The following RHNO1 variants were observed in gnomAD, a reference collection of about 807,000 sequenced individuals.
RHNO1 encodes RAD9-HUS1-RAD1 interacting nuclear orphan 1.
RHNO1 carries 9 observed loss-of-function variants against 7.2 expected under a neutral mutation model. The observed-to-expected ratio is 1.25, with a 90% confidence interval of 0.75 to 2.18. The LOEUF (loss-of-function observed/expected upper bound fraction) is 2.18, where lower values mean the gene tolerates loss of function less well. RHNO1 is among the 30% of genes most tolerant of loss of function. The probability of loss-of-function intolerance (pLI) is 0.00; values close to 1 mark genes in which losing one functional copy is unlikely to be tolerated. For missense variants in RHNO1, 292 were observed against 284.5 expected, an observed-to-expected ratio of 1.03 and a Z score of -0.19; for synonymous variants, 95 against 107.5, an observed-to-expected ratio of 0.88 and a Z score of 0.72.
At chr12:2,880,008 G>A (rs1195419949) in intron 1 of RHNO1, among the ~76,000 whole-genome samples, 1 of 152,080 alleles carries the variant, frequency 6.6e-6, no homozygotes, top group Non-Finnish European at 1.5e-5. Context: ...AAGAGAAAAG[G>A]GGTGTTCTGA....
intron 1 of RHNO1, among the ~76,000 whole-genome samples, chr12:2,884,009 ATTC>A (rs1192909324): frequency 6.6e-6 from 1 of 151,984 alleles, no homozygotes; most frequent in Non-Finnish European, 1.5e-5. Flanking sequence ...GTGGGATCAA[ATTC>A]TTCTGCTTAA....
intron 1 of RHNO1, among the ~76,000 whole-genome samples, chr12:2,883,073 A>AAAAAAAAAAACAAC (rs1461301048): frequency 1.2e-4 from 17 of 142,168 alleles, no homozygotes; most frequent in African/African-American, 4.3e-4. Flanking sequence ...TCTCAAAAAA[A>AAAAAAAAAAACAAC]AAAAAAAAAA....
In RHNO1 at chr12:2,884,262, C is replaced by T. The variant is rs1489628608; in HGVS notation, c.-84-1021C>T. On this transcript the variant is annotated intron_variant, in intron 1 of 2. Coordinates refer to ENST00000489288, the MANE Select transcript of RHNO1 (RefSeq NM_001252499.3). ...TTTGTTTGTTTGTTTGAGACAGAGT[C>T]TAGCTCTGCTGCCCAGGCTGGAGTG... 2.6e-5 allele frequency among the ~76,000 whole-genome samples: 4 copies of T among 152,254 alleles called. No homozygotes were observed. The East Asian group carries it at 7.7e-4, about 29-fold the overall frequency.
chr12:2,878,988 A>ATTTATT (rs2098153585), intron 1 of RHNO1, among the ~76,000 whole-genome samples: 2 of 150,830 alleles, frequency 1.3e-5, no homozygotes, highest in African/African-American at 4.9e-5. Flanking sequence ...TTAATTATAT[A>ATTTATT]TTTATTTTTA....
chr12:2,882,912 A>G (rs1481268390), intron 1 of RHNO1, among the ~76,000 whole-genome samples: 1 of 151,954 alleles, frequency 6.6e-6, no homozygotes, highest in Non-Finnish European at 1.5e-5. Flanking sequence ...AAATGTTTCA[A>G]AAAAAGTTAA....
chr12:2,885,103 A>G (rs2098163650), intron 1 of RHNO1, 180 bp from the exon 2 acceptor site: 2 of 414,090 alleles, frequency 4.8e-6, no homozygotes, highest in South Asian at 8.8e-5. Context: ...CACATACTCA[A>G]TAAATGTTCG....
At position 2,883,957 on chromosome 12, in the gene RHNO1, A is replaced by G. The variant is rs117631572; in HGVS notation, c.-84-1326A>G. Among the ~76,000 whole-genome samples, 475 of 152,194 alleles carry G rather than the reference A, an allele frequency of 3.1e-3. 9 individuals carry two copies. In the East Asian group the frequency reaches 0.062, roughly 20 times the overall value. On this transcript the variant is annotated intron_variant, in intron 1 of 2. Transcript: ENST00000489288. ...TACATTATTCAGTCTACTTTAGTATATATTTGACATTATCTGGAGTGAAAA... is the reference window on the plus strand; with the variant it reads ...TACATTATTCAGTCTACTTTAGTATGTATTTGACATTATCTGGAGTGAAAA...
chr12:2,880,809 T>C (rs898285350), intron 1 of RHNO1, among the ~76,000 whole-genome samples: 1 of 151,966 alleles, frequency 6.6e-6, no homozygotes, highest in African/African-American at 2.4e-5. Context: ...AATTATTCTT[T>C]TAAATTTGTA....
At chr12:2,885,246 G>T in intron 1 of RHNO1, 37 bp from the exon 2 acceptor site, 2 of 878,256 alleles carry the variant, frequency 2.3e-6, no homozygotes, top group Non-Finnish European at 3.5e-6. Flanking sequence ...GGAATCATCT[G>T]AATTATTTGC....
chr12:2,885,720 A>G, intron 2 of RHNO1, 186 bp downstream of exon 2: 1 of 483,754 alleles, frequency 2.1e-6, no homozygotes, highest in East Asian at 3.6e-5. Context: ...AACTACAGGC[A>G]CCCGCCACCA....
At chr12:2,883,647 G>A (rs1163594447) in intron 1 of RHNO1, among the ~76,000 whole-genome samples, 1 of 149,732 alleles carries the variant, frequency 6.7e-6, no homozygotes, top group Non-Finnish European at 1.5e-5. Context: ...CCTCCGAGTA[G>A]CTGGGATTAC....
Position 2,888,345 on chromosome 12 carries a change from C to T in RHNO1, c.603C>T (p.Asp201=), listed in dbSNP as rs761363418. 3.1e-6 allele frequency: 5 copies of T among 1,614,168 alleles called. No individual in the cohort carries two copies. The highest frequency in any genetic ancestry group is 3.3e-5 in the Admixed American group (2 of 60,010). The part of the protein sequence containing the change: ...SPEPGPVLVK[D]TPEDKYGIKV... The stretch of plus-strand genomic sequence containing the variant: ...AGCCTGGACCTGTTCTGGTTAAAGA[C>T]ACCCCCGAGGACAAGTATGGAATAA... The change falls in exon 3 of 3, where the codon GAC becomes GAT. Residue 201 remains aspartate (D), a synonymous_variant. Transcript: ENST00000489288.
In RHNO1 at chr12:2,885,550, T is replaced by C; in HGVS notation, c.168+16T>C. 1 of 1,326,858 alleles carries C rather than the reference T, an allele frequency of 7.5e-7. No individual in the cohort carries two copies. The highest frequency in any genetic ancestry group is 1.0e-6 in the Non-Finnish European group (1 of 957,642). The allele number at this position is 1,326,858 out of a possible 1,614,324, so 82.2% of individuals were successfully genotyped here. ...CACTTCCTGGGTAGGCCCATGGGAT[T>C]ACTATTTGACATTTTTTTTTTTTTT... On this transcript the variant is annotated intron_variant, in intron 2 of 2. Transcript: ENST00000489288.
intron 2 of RHNO1, chr12:2,886,891 A>G (rs2098166197): frequency 2.2e-6 from 1 of 445,172 alleles, no homozygotes; most frequent in Non-Finnish European, 4.6e-6. Context: ...TTTATTGAAT[A>G]TTCATTATAT....
intron 2 of RHNO1, among the ~76,000 whole-genome samples, chr12:2,887,702 G>A (rs184783873): frequency 5.3e-5 from 8 of 152,142 alleles, no homozygotes; most frequent in Admixed American, 2.6e-4. Context: ...AAGAGACATC[G>A]TCCCCTTTCC....
chr12:2,879,344 T>G (rs1327687670), intron 1 of RHNO1, among the ~76,000 whole-genome samples: 1 of 151,784 alleles, frequency 6.6e-6, no homozygotes, highest in Non-Finnish European at 1.5e-5. Flanking sequence ...TTTCTTTTCT[T>G]TTTTTGAAAC....
upstream of RHNO1, chr12:2,877,082 G>A (rs1425773742): frequency 6.6e-6 from 1 of 152,152 alleles, no homozygotes; most frequent in Non-Finnish European, 1.5e-5. Flanking sequence ...GATCCCGGGA[G>A]GGGAGGGGGT....
At chr12:2,884,582 C>A (rs1478593012) in intron 1 of RHNO1, among the ~76,000 whole-genome samples, 1 of 150,844 alleles carries the variant, frequency 6.6e-6, no homozygotes, top group Non-Finnish European at 1.5e-5. Context: ...AGCCTGGTCT[C>A]AAACTCCTGA....
intron 1 of RHNO1, among the ~76,000 whole-genome samples, chr12:2,884,672 A>ATT (rs796965997): frequency 1.4e-5 from 2 of 146,718 alleles, no homozygotes; most frequent in Admixed American, 1.4e-4. Flanking sequence ...CATGTCACCT[A>ATT]TTTTTTTTTT....
Sources: gnomAD v4.1 joint callset for allele counts (sites outside exome capture counted in the v4.1 genomes callset) on GRCh38, gnomAD v4.1.1 for gene constraint, MANE v1.5 for transcripts, NCBI Gene and HGNC (gene_info 2026-07-23, HGNC 2026-07-21) for gene names.